SORCS3: variants seen among roughly 807,000 people sequenced by gnomAD.
SORCS3 encodes the protein VPS10 domain-containing receptor SorCS3.
A neutral mutation model predicts 146.3 loss-of-function variants in SORCS3; 57 were observed. The ratio of observed to expected loss-of-function variants is 0.39; its 90% CI spans 0.31 to 0.49. The LOEUF (loss-of-function observed/expected upper bound fraction) is 0.49. SORCS3 is among the 20% of genes least tolerant of loss of function. SORCS3 has a pLI of 0.92. For synonymous variants in SORCS3, 653 were observed against 618.5 expected (o/e 1.06, Z -0.83); for missense variants, 1,341 against 1,575.5 (o/e 0.85, Z 2.52).
intron 4 of SORCS3, among the ~76,000 whole-genome samples, chr10:105,023,582 T>C (rs2055210186): frequency 6.6e-6 from 1 of 152,154 alleles, no homozygotes; most frequent in South Asian, 2.1e-4. Flanking sequence ...CAGTAAGCTG[T>C]TTGAGTCGCA....
At chr10:104,732,552 G>T (rs887953156) in intron 1 of SORCS3, among the ~76,000 whole-genome samples, 13 of 152,198 alleles carry the variant, frequency 8.5e-5, no homozygotes, top group Non-Finnish European at 1.9e-4. Context: ...CCCCAAGGGG[G>T]TGGGGGCAGT....
chr10:104,843,225 G>C (rs2018163500), intron 2 of SORCS3, among the ~76,000 whole-genome samples: 1 of 152,074 alleles, frequency 6.6e-6, no homozygotes, highest in Non-Finnish European at 1.5e-5. Context: ...GTGTGTCTTG[G>C]CCAAAGGACT....
intron 3 of SORCS3, among the ~76,000 whole-genome samples, chr10:104,956,556 A>G (rs1426009427): frequency 3.3e-5 from 5 of 152,072 alleles, no homozygotes; most frequent in Admixed American, 2.0e-4. Flanking sequence ...TCTCCTTCTC[A>G]TCATCTCCTC....
chr10:104,957,423 T>C (rs1370516935), intron 3 of SORCS3, among the ~76,000 whole-genome samples: 1 of 152,110 alleles, frequency 6.6e-6, no homozygotes, highest in Non-Finnish European at 1.5e-5. Context: ...GGTGGATCCT[T>C]TGTGGAGCTT....
At chr10:105,220,696 C>G (rs1207793563) in intron 19 of SORCS3, among the ~76,000 whole-genome samples, 1 of 152,074 alleles carries the variant, frequency 6.6e-6, no homozygotes, top group Non-Finnish European at 1.5e-5. Flanking sequence ...TTTCATCTCC[C>G]CCCTTGGATG....
intron 14 of SORCS3, among the ~76,000 whole-genome samples, chr10:105,190,654 G>A (rs1030299896): frequency 6.6e-6 from 1 of 152,036 alleles, no homozygotes; most frequent in Non-Finnish European, 1.5e-5. Context: ...TGCCCACCTC[G>A]GCCTCCCAAA....
chr10:104,883,876 T>C (rs1468957953), intron 2 of SORCS3, among the ~76,000 whole-genome samples: 2 of 151,722 alleles, frequency 1.3e-5, no homozygotes, highest in South Asian at 2.1e-4. Context: ...TCAAATCTGC[T>C]CACTCCAATG....
rs1373997226 is a variant in SORCS3 at position 104,859,805 on chromosome 10, G to A, written c.695+16946G>A. On this transcript the variant is annotated intron_variant, in intron 2 of 26. Transcript: ENST00000369701. ...AAAGAAGACGTTTATGCAGCCAAAAGACACATGAAAAAATGCTCATCATCA... is the reference window on the plus strand; with the variant it reads ...AAAGAAGACGTTTATGCAGCCAAAAAACACATGAAAAAATGCTCATCATCA... Among the ~76,000 whole-genome samples, 955 of 151,716 alleles carry A rather than the reference G, an allele frequency of 6.3e-3. 11 individuals are homozygous for A. Among genetic ancestry groups the A allele is most frequent in the African/African-American group, 0.023 (931 of 41,370 alleles).
chr10:105,081,042 A>C (rs2055621580), intron 5 of SORCS3, among the ~76,000 whole-genome samples: 1 of 152,246 alleles, frequency 6.6e-6, no homozygotes, highest in Admixed American at 6.5e-5. Context: ...TAATCATTCT[A>C]CAGCATATAC....
At chr10:105,041,014 G>A (rs1361266706) in intron 4 of SORCS3, among the ~76,000 whole-genome samples, 1 of 146,358 alleles carries the variant, frequency 6.8e-6, no homozygotes, top group East Asian at 2.0e-4. Flanking sequence ...TATATATTTA[G>A]CATATTCATT....
intron 20 of SORCS3, among the ~76,000 whole-genome samples, chr10:105,242,422 A>C (rs1181463924): frequency 2.0e-5 from 2 of 99,010 alleles, no homozygotes; most frequent in East Asian, 5.5e-4. Flanking sequence ...ATATATATTT[A>C]TATATTTATA....
intron 9 of SORCS3, among the ~76,000 whole-genome samples, chr10:105,150,768 G>A (rs561191284): frequency 4.6e-5 from 7 of 152,240 alleles, no homozygotes; most frequent in African/African-American, 1.7e-4. Flanking sequence ...GGGTAATGCT[G>A]TTTTGCACCT....
intron 1 of SORCS3, among the ~76,000 whole-genome samples, chr10:104,829,300 A>G (rs2017975078): frequency 6.6e-6 from 1 of 152,206 alleles, no homozygotes; most frequent in Non-Finnish European, 1.5e-5. Context: ...ACAACAAGTT[A>G]GGGGAACATA....
intron 4 of SORCS3, among the ~76,000 whole-genome samples, chr10:105,010,326 C>G (rs1025964863): frequency 6.6e-6 from 1 of 152,194 alleles, no homozygotes; most frequent in African/African-American, 2.4e-5. Flanking sequence ...GGATGTTCTT[C>G]TGGTTCTATG....
In SORCS3 at chr10:104,662,552, CA is replaced by C. The variant is rs1333305438; in HGVS notation, c.627+20600del. ...TGATGAGTTACAGAGCCCACTTCTC[CA>C]ATTCATACCAGCCAGGGAAGCAAGG... On this transcript the variant is annotated intron_variant, in intron 1 of 26. Coordinates refer to ENST00000369701, the MANE Select transcript of SORCS3 (RefSeq NM_014978.3). Among the ~76,000 whole-genome samples, 3 of 152,194 alleles carry C rather than the reference CA, an allele frequency of 2.0e-5. No homozygotes were observed. The East Asian group carries it at 5.8e-4, about 29-fold the overall frequency.
chr10:105,044,711 G>C (rs554767691), intron 5 of SORCS3, among the ~76,000 whole-genome samples: 2 of 148,830 alleles, frequency 1.3e-5, no homozygotes, highest in East Asian at 2.2e-4. Context: ...TTGTTGTTTT[G>C]TGTTGTTTTG....
intron 1 of SORCS3, among the ~76,000 whole-genome samples, chr10:104,743,291 C>T (rs1438028369): frequency 6.6e-6 from 1 of 152,208 alleles, no homozygotes; most frequent in African/African-American, 2.4e-5. Flanking sequence ...AGGACTATCT[C>T]TGCCATAGCG....
At chr10:105,063,524 C>G (rs901672693) in intron 5 of SORCS3, among the ~76,000 whole-genome samples, 1 of 152,210 alleles carries the variant, frequency 6.6e-6, no homozygotes, top group Non-Finnish European at 1.5e-5. Flanking sequence ...TTGGAAAACT[C>G]TTTTGTATAT....
intron 3 of SORCS3, among the ~76,000 whole-genome samples, chr10:104,942,775 A>G (rs2019333584): frequency 6.6e-6 from 1 of 152,242 alleles, no homozygotes; most frequent in Admixed American, 6.5e-5. Flanking sequence ...CTAGAGGAGA[A>G]CTTCCTTAAT....
Sources: allele counts gnomAD v4.1 joint callset (sites outside exome capture counted in the v4.1 genomes callset), GRCh38; gene constraint gnomAD v4.1.1; transcripts MANE v1.5; gene names NCBI Gene and HGNC (gene_info 2026-07-23, HGNC 2026-07-21).